AFG2A: variants seen among roughly 807,000 people sequenced by gnomAD.
AFG2A encodes the protein ATPase family gene 2 protein homolog A.
At chr4:123,210,008 C>G in the AFG2A span, among the ~76,000 whole-genome samples, 1 of 152,204 alleles carries the variant, frequency 6.6e-6, no homozygotes, top group East Asian at 1.9e-4. Context: ...CGTCAGCATG[C>G]CTTAACCTTT....
At chr4:123,128,882 G>A in the AFG2A span, among the ~76,000 whole-genome samples, 1 of 151,992 alleles carries the variant, frequency 6.6e-6, no homozygotes, top group Non-Finnish European at 1.5e-5. Context: ...CTAAAACCCA[G>A]CAAAATGGAG....
the AFG2A span, among the ~76,000 whole-genome samples, chr4:123,156,499 A>C: frequency 1.3e-5 from 2 of 152,320 alleles, no homozygotes; most frequent in South Asian, 4.1e-4. Flanking sequence ...GTTCCAAAAC[A>C]TGAAATTACA....
chr4:123,036,119 C>A, the AFG2A span, among the ~76,000 whole-genome samples: 1 of 152,118 alleles, frequency 6.6e-6, no homozygotes, highest in African/African-American at 2.4e-5. Context: ...ATAACACCTT[C>A]TGTGTGTCAG....
At chr4:122,978,228 C>G in the AFG2A span, among the ~76,000 whole-genome samples, 1 of 151,426 alleles carries the variant, frequency 6.6e-6, no homozygotes, top group African/African-American at 2.4e-5. Context: ...GTGGGTGGCT[C>G]CTTTCTGCAG....
the AFG2A span, among the ~76,000 whole-genome samples, chr4:123,117,713 G>T: frequency 1.3e-5 from 2 of 151,652 alleles, no homozygotes; most frequent in African/African-American, 4.8e-5. Flanking sequence ...AGGAGGAGAG[G>T]GAGAAAAAAA....
chr4:123,023,753 C>T, the AFG2A span, among the ~76,000 whole-genome samples: 2 of 152,042 alleles, frequency 1.3e-5, no homozygotes, highest in Non-Finnish European at 1.5e-5. Flanking sequence ...AAGATGGCAG[C>T]CTCCGAGCCG....
the AFG2A span, among the ~76,000 whole-genome samples, chr4:123,212,130 A>G: frequency 3.3e-5 from 5 of 152,184 alleles, no homozygotes; most frequent in African/African-American, 1.2e-4. Flanking sequence ...CTTGCTATGT[A>G]GATTATTTTT....
At chr4:122,969,002 A>G in the AFG2A span, among the ~76,000 whole-genome samples, 1 of 152,040 alleles carries the variant, frequency 6.6e-6, no homozygotes, top group Admixed American at 6.6e-5. Context: ...AGTTATTAAT[A>G]TAGCTTAGTT....
chr4:123,076,815 T>G, the AFG2A span, among the ~76,000 whole-genome samples: 1,354 of 152,276 alleles, frequency 8.9e-3, 9 homozygotes, highest in Non-Finnish European at 0.014. Context: ...TACTGAGTAC[T>G]ATCTACTATC....
At chr4:123,207,122 G>A in the AFG2A span, among the ~76,000 whole-genome samples, 1 of 152,092 alleles carries the variant, frequency 6.6e-6, no homozygotes, top group South Asian at 2.1e-4. Flanking sequence ...TAAGTAGATG[G>A]TTAGGCATTC....
the AFG2A span, among the ~76,000 whole-genome samples, chr4:123,157,674 A>G: frequency 6.6e-6 from 1 of 152,334 alleles, no homozygotes. Flanking sequence ...GACAAGTAAC[A>G]GCATCTTAAT....
the AFG2A span, among the ~76,000 whole-genome samples, chr4:123,170,293 A>T: frequency 6.6e-6 from 1 of 152,242 alleles, no homozygotes; most frequent in African/African-American, 2.4e-5. Flanking sequence ...AGCATTCAGA[A>T]AACTAGATTT....
chr4:123,259,615 G>A, the AFG2A span, among the ~76,000 whole-genome samples: 1 of 152,062 alleles, frequency 6.6e-6, no homozygotes, highest in Non-Finnish European at 1.5e-5. Flanking sequence ...AAGTCTTTTT[G>A]GTTATCACTA....
At chr4:123,148,380 C>T in the AFG2A span, among the ~76,000 whole-genome samples, 2 of 151,968 alleles carry the variant, frequency 1.3e-5, no homozygotes, top group African/African-American at 2.4e-5. Context: ...GAAACTTTTC[C>T]GGGGAGTAGT....
the AFG2A span, among the ~76,000 whole-genome samples, chr4:123,088,678 T>C: frequency 6.6e-6 from 1 of 152,088 alleles, no homozygotes; most frequent in African/African-American, 2.4e-5. Context: ...TCTCATGAGA[T>C]CTGATGATTT....
At chr4:122,936,196 G>T in the AFG2A span, 1 of 1,520,322 alleles carries the variant, frequency 6.6e-7, no homozygotes, top group South Asian at 1.3e-5. Flanking sequence ...TAATAATCAA[G>T]GCTGTATTAG....
At chr4:122,983,405 A>G in the AFG2A span, among the ~76,000 whole-genome samples, 1,841 of 151,700 alleles carry the variant, frequency 0.012, 43 homozygotes, top group African/African-American at 0.041. Flanking sequence ...TAGGTTGTTC[A>G]TTTGAGATAT....
At chr4:122,979,255 C>A in the AFG2A span, 1 of 1,614,090 alleles carries the variant, frequency 6.2e-7, no homozygotes, top group Non-Finnish European at 8.5e-7. Context: ...GCGGAGAATC[C>A]TGAAAAAACA....
At chr4:123,043,006 C>T in the AFG2A span, among the ~76,000 whole-genome samples, 4 of 152,114 alleles carry the variant, frequency 2.6e-5, no homozygotes, top group African/African-American at 4.8e-5. Context: ...TCTAGGTTTC[C>T]ATTTGATATA....
Sources: gnomAD v4.1 joint callset for allele counts (sites outside exome capture counted in the v4.1 genomes callset) on GRCh38, gnomAD v4.1.1 for gene constraint, MANE v1.5 for transcripts, NCBI Gene and HGNC (gene_info 2026-07-23, HGNC 2026-07-21) for gene names.